The following TIAM2 variants were observed in gnomAD, a reference collection of about 807,000 sequenced individuals.
TIAM2 encodes TIAM Rac1 associated GEF 2, also known as rho guanine nucleotide exchange factor TIAM2.
A neutral mutation model predicts 152.9 loss-of-function variants in TIAM2; 80 were observed. The observed-to-expected ratio is 0.52, with a 90% confidence interval of 0.44 to 0.63. TIAM2 has a LOEUF of 0.63. TIAM2 is among the 30% of genes least tolerant of loss of function. The probability of loss-of-function intolerance (pLI) is 0.00; values close to 1 mark genes in which losing one functional copy is unlikely to be tolerated. For missense variants in TIAM2, 1,965 were observed against 2,120.1 expected (o/e 0.93, Z 1.44); for synonymous variants, 804 against 838.0 (o/e 0.96, Z 0.70).
Position 155,087,163 on chromosome 6 carries a change from G to A in TIAM2, c.-208-3126G>A, listed in dbSNP as rs1314871731. On this transcript the variant is annotated intron_variant, in intron 1 of 26. Coordinates refer to ENST00000682666, the MANE Select transcript of TIAM2 (RefSeq NM_012454.4). The stretch of plus-strand genomic sequence containing the variant: ...GGAGTTCTCCAGGGAGGTGTTCCCT[G>A]TAGAGAACAGTATATGCAAAGGCAT... 2.0e-5 allele frequency among the ~76,000 whole-genome samples: 3 copies of A among 152,160 alleles called. No homozygotes were observed. In the East Asian group the frequency reaches 5.8e-4, roughly 29 times the overall value.
intron 1 of TIAM2, among the ~76,000 whole-genome samples, chr6:155,056,998 A>G (rs985458310): frequency 3.4e-4 from 45 of 134,114 alleles, no homozygotes; most frequent in African/African-American, 1.2e-3. Context: ...TGCTAGTAGA[A>G]TGTTCCTCAG....
At chr6:155,197,158 A>G (rs1443386842) in intron 14 of TIAM2, among the ~76,000 whole-genome samples, 2 of 152,226 alleles carry the variant, frequency 1.3e-5, no homozygotes, top group Admixed American at 6.5e-5. Context: ...TGGACTTCCC[A>G]GTGAAGCACT....
Position 155,256,703 on chromosome 6 carries a change from A to AAGAG in TIAM2, c.4691_4694dup (p.Ser1565ArgfsTer3). ...GCAGATTTTGCCGACAATCTCATCAAAGAGAGTGACATCCTGAGCGATGAA... is the reference window on the plus strand; with the variant it reads ...GCAGATTTTGCCGACAATCTCATCAAAGAGAGAGAGTGACATCCTGAGCGATGAA... On this transcript the variant is annotated frameshift_variant, in exon 27 of 27. Transcript: ENST00000682666. LOFTEE classifies it low-confidence loss of function (END_TRUNC). The AAGAG allele has an allele frequency of 6.2e-7, 1 of 1,614,156 alleles. No homozygotes were observed. The highest frequency in any genetic ancestry group is 8.5e-7 in the Non-Finnish European group (1 of 1,180,032).
chr6:155,099,280 C>T (rs1778499478), intron 2 of TIAM2, among the ~76,000 whole-genome samples: 1 of 147,984 alleles, frequency 6.8e-6, no homozygotes. Context: ...ATCTCATTTC[C>T]AAGATAATTG....
intron 2 of TIAM2, among the ~76,000 whole-genome samples, chr6:155,103,461 C>T (rs1214682022): frequency 2.0e-5 from 3 of 152,134 alleles, no homozygotes; most frequent in Non-Finnish European, 2.9e-5. Flanking sequence ...CGGTAGCTCA[C>T]GCCTGTAATC....
At chr6:155,096,072 G>A (rs899047954) in intron 2 of TIAM2, among the ~76,000 whole-genome samples, 1 of 151,982 alleles carries the variant, frequency 6.6e-6, no homozygotes, top group African/African-American at 2.4e-5. Flanking sequence ...AGTATTATCC[G>A]TTACTCTTTG....
intron 7 of TIAM2, among the ~76,000 whole-genome samples, chr6:155,164,051 C>G (rs9384292): frequency 1.3e-5 from 2 of 148,300 alleles, no homozygotes; most frequent in Non-Finnish European, 3.0e-5. Context: ...CCTCCGCCTT[C>G]TAGGTTTAAT....
intron 1 of TIAM2, among the ~76,000 whole-genome samples, chr6:155,029,090 C>T (rs1389772487): frequency 8.9e-6 from 1 of 112,828 alleles, no homozygotes; most frequent in Admixed American, 9.9e-5. Context: ...GTTATATATA[C>T]ACTGTATATA....
chr6:155,035,876 A>G (rs1292187897), intron 1 of TIAM2, among the ~76,000 whole-genome samples: 1 of 152,206 alleles, frequency 6.6e-6, no homozygotes, highest in Non-Finnish European at 1.5e-5. Context: ...GATGATACAA[A>G]GACTGTAACT....
chr6:155,081,405 G>GAAA (rs33989916), intron 1 of TIAM2, among the ~76,000 whole-genome samples: 1 of 145,092 alleles, frequency 6.9e-6, no homozygotes, highest in African/African-American at 2.5e-5. Flanking sequence ...TGAGTCTTCT[G>GAAA]AAAAAAAAAA....
intron 15 of TIAM2, chr6:155,217,179 G>A (rs1371311010): frequency 2.4e-6 from 3 of 1,264,854 alleles, no homozygotes; most frequent in Non-Finnish European, 3.1e-6. Context: ...TTGATTGAAA[G>A]TTGATTTTGC....
rs182177006 is a variant in TIAM2 at position 155,088,873 on chromosome 6, T to C, written c.-208-1416T>C. Among the ~76,000 whole-genome samples, 7 of 152,318 alleles carry C rather than the reference T, an allele frequency of 4.6e-5. No homozygotes were observed. In the East Asian group the frequency reaches 1.4e-3, roughly 29 times the overall value. ...ATTTTAGATGGCACCCAGGACAGTT[T>C]CTCTTCCAGTGTGACTCAGGGAAGC... is the stretch of plus-strand genomic sequence containing the variant. On this transcript the variant is annotated intron_variant, in intron 1 of 26. Coordinates refer to ENST00000682666, the MANE Select transcript of TIAM2 (RefSeq NM_012454.4).
At position 155,192,949 on chromosome 6, in the gene TIAM2, CTT is replaced by C. The variant is rs1781245056; in HGVS notation, c.3064+9452_3064+9453del. Among the ~76,000 whole-genome samples the C allele has an allele frequency of 2.0e-5, 3 of 152,172 alleles. No homozygotes were observed. In the South Asian group the frequency reaches 6.2e-4, roughly 32 times the overall value. ...CGGAACCTGAGGCATTATTGGTGGA[CTT>C]TTCTTATTTGGTAGCATTAAAATTC... On this transcript the variant is annotated intron_variant, in intron 14 of 26. Transcript: ENST00000682666.
chr6:155,208,656 C>T (rs1362226058), intron 14 of TIAM2, among the ~76,000 whole-genome samples: 3 of 152,182 alleles, frequency 2.0e-5, no homozygotes, highest in East Asian at 1.9e-4. Flanking sequence ...AGAAACCAGG[C>T]GTCTCCCTCG....
At chr6:155,194,431 G>A (rs1781285817) in intron 14 of TIAM2, among the ~76,000 whole-genome samples, 1 of 152,126 alleles carries the variant, frequency 6.6e-6, no homozygotes. Flanking sequence ...GCCAGGGAAG[G>A]GCATTGCAGC....
chr6:155,147,176 C>CTT (rs3028764), intron 6 of TIAM2, among the ~76,000 whole-genome samples: 87,465 of 143,226 alleles, frequency 0.61, 27,327 homozygotes, highest in Admixed American at 0.73. Context: ...TTACATTGTT[C>CTT]TTTTTTTTTT....
At position 155,029,742 on chromosome 6, in the gene TIAM2, CTA is replaced by C. The variant is rs60980296; in HGVS notation, c.-209+34264_-209+34265del. On this transcript the variant is annotated intron_variant, in intron 1 of 26. Transcript: ENST00000682666. ...AGTTATATAACTATATAGTATATAA[CTA>C]TATATATATATATGTAGAAAAAAAC... is the stretch of plus-strand genomic sequence containing the variant. 3.7e-3 allele frequency among the ~76,000 whole-genome samples: 466 copies of C among 126,548 alleles called. 9 individuals are homozygous for C. The highest frequency in any genetic ancestry group is 0.013 in the African/African-American group (423 of 32,982). 83.0% of individuals were successfully genotyped at this position (126,548 alleles called of 152,430 possible).
intron 1 of TIAM2, among the ~76,000 whole-genome samples, chr6:155,065,398 C>G (rs938030931): frequency 3.9e-5 from 6 of 152,090 alleles, no homozygotes; most frequent in Non-Finnish European, 5.9e-5. Flanking sequence ...AGAAAAATAA[C>G]TGTTTTTCTT....
chr6:155,257,001 G>A lies in TIAM2; in HGVS notation c.4986G>A (p.Gln1662=). ...AQIRHQSLDS[Q]SENATIDLNS... is the part of the protein sequence containing the mutation. The stretch of plus-strand genomic sequence containing the variant: ...TCCGTCACCAGTCCCTTGACAGTCA[G>A]TCTGAAAATGCCACCATCGACCTAA... The change falls in exon 27 of 27, where the codon CAG becomes CAA. Residue 1662 remains glutamine, a synonymous_variant. Coordinates refer to ENST00000682666, the MANE Select transcript of TIAM2 (RefSeq NM_012454.4). 6.2e-7 allele frequency: 1 copy of A among 1,614,170 alleles called. No homozygotes were observed. The highest frequency in any genetic ancestry group is 1.3e-5 in the African/African-American group (1 of 75,024).
Sources: allele counts gnomAD v4.1 joint callset (sites outside exome capture counted in the v4.1 genomes callset), GRCh38; gene constraint gnomAD v4.1.1; transcripts MANE v1.5; gene names NCBI Gene and HGNC (gene_info 2026-07-23, HGNC 2026-07-21).